Variants in UTS2B observed in about 807,000 individuals in gnomAD.
UTS2B encodes the protein urotensin-2B.
UTS2B carries 21 observed loss-of-function variants against 19.2 expected under a neutral mutation model. That is an observed-to-expected ratio of 1.09 (90% CI 0.78 to 1.58). The LOEUF is 1.58. Among genes scored for constraint, UTS2B ranks in the 40% most tolerant of loss-of-function variants. The pLI is 0.00. For synonymous variants in UTS2B, 57 were observed against 50.2 expected, an observed-to-expected ratio of 1.14 and a Z score of -0.58; for missense variants, 138 against 130.3, an observed-to-expected ratio of 1.06 and a Z score of -0.29.
chr3:191,308,070 G>A (rs563628531), intron 3 of UTS2B, among the ~76,000 whole-genome samples: 6 of 152,224 alleles, frequency 3.9e-5, no homozygotes, highest in African/African-American at 7.2e-5. Context: ...TCCTGACCTC[G>A]TGATCTGCCC....
chr3:191,292,450 T>C (rs1716745679), intron 4 of UTS2B, among the ~76,000 whole-genome samples: 1 of 152,218 alleles, frequency 6.6e-6, no homozygotes, highest in African/African-American at 2.4e-5. Flanking sequence ...TTTTGCATAT[T>C]GATCTTTGTA....
intron 2 of UTS2B, among the ~76,000 whole-genome samples, 188 bp from the exon 3 acceptor site, chr3:191,316,627 C>G (rs1576934212): frequency 6.6e-6 from 1 of 152,154 alleles, no homozygotes; most frequent in Non-Finnish European, 1.5e-5. Flanking sequence ...GACAGGGTAC[C>G]GATTCGTGTG....
intron 1 of UTS2B, among the ~76,000 whole-genome samples, chr3:191,329,955 G>T (rs75704230): frequency 5.3e-5 from 6 of 113,274 alleles, no homozygotes; most frequent in East Asian, 4.7e-4. Flanking sequence ...GGGGGGGGGG[G>T]GCTAGCAGCA....
rs1210104214 is a variant in UTS2B at position 191,278,124 on chromosome 3, T to TA, written c.149dup (p.Leu51IlefsTer7). On this transcript the variant is annotated frameshift_variant, in exon 6 of 9. Coordinates refer to ENST00000340524, the MANE Select transcript of UTS2B (RefSeq NM_198152.5). LOFTEE classifies it high-confidence loss of function. ...AATTTTTATTCAGTAGAGCCAGCAA[T>TA]AGTTCCTCACGATTTGTATATTTTT... The TA allele has an allele frequency of 1.3e-6, 2 of 1,569,144 alleles. No individual in the cohort carries two copies. Among genetic ancestry groups the TA allele is most frequent in the Admixed American group, 3.9e-5 (2 of 51,014 alleles).
At chr3:191,291,656 G>C (rs578205002) in intron 4 of UTS2B, among the ~76,000 whole-genome samples, 1 of 152,098 alleles carries the variant, frequency 6.6e-6, no homozygotes, top group African/African-American at 2.4e-5. Flanking sequence ...GTTTCACCAC[G>C]TTCACCAAGA....
upstream of UTS2B, among the ~76,000 whole-genome samples, chr3:191,332,392 A>T (rs1718020135): frequency 6.6e-6 from 1 of 152,200 alleles, no homozygotes; most frequent in African/African-American, 2.4e-5. Context: ...GTAGGTGAAA[A>T]GAATCAAGTC....
intron 4 of UTS2B, among the ~76,000 whole-genome samples, chr3:191,300,110 G>C (rs1161450211): frequency 1.3e-5 from 2 of 152,024 alleles, no homozygotes; most frequent in Non-Finnish European, 2.9e-5. Context: ...GAGTGCGGTG[G>C]TGCAATCTCG....
upstream of UTS2B, among the ~76,000 whole-genome samples, chr3:191,335,158 A>G (rs1468227575): frequency 5.3e-5 from 8 of 152,336 alleles, no homozygotes; most frequent in East Asian, 1.2e-3. Context: ...GTGACAAAAA[A>G]CATGTGAGTT....
chr3:191,317,259 C>CCTG (rs1717485842), intron 2 of UTS2B, among the ~76,000 whole-genome samples: 1 of 152,230 alleles, frequency 6.6e-6, no homozygotes, highest in Non-Finnish European at 1.5e-5. Context: ...CCCCTCACTG[C>CCTG]CTGGGGCCGG....
At chr3:191,278,287 A>T (rs1224807518) in intron 5 of UTS2B, 117 bp from the exon 6 acceptor site, 3 of 568,176 alleles carry the variant, frequency 5.3e-6, no homozygotes, top group East Asian at 6.4e-5. Flanking sequence ...ATGTAGAGAG[A>T]GTGTATAGTC....
chr3:191,290,844 T>G (rs909249415), intron 4 of UTS2B, among the ~76,000 whole-genome samples: 2 of 152,242 alleles, frequency 1.3e-5, no homozygotes, highest in African/African-American at 4.8e-5. Context: ...GATAAGTGTT[T>G]GTATGGTGAC....
chr3:191,342,178 C>G, the UTS2B span, among the ~76,000 whole-genome samples: 1 of 152,078 alleles, frequency 6.6e-6, no homozygotes, highest in African/African-American at 2.4e-5. Flanking sequence ...TTCCGTAATC[C>G]AAGATTTCCA....
At chr3:191,271,807 T>C (rs1185147062) in intron 8 of UTS2B, among the ~76,000 whole-genome samples, 1 of 152,238 alleles carries the variant, frequency 6.6e-6, no homozygotes. Flanking sequence ...TGACTGAAGA[T>C]ATAAGATTCA....
the UTS2B span, among the ~76,000 whole-genome samples, chr3:191,336,100 A>G: frequency 6.6e-6 from 1 of 151,488 alleles, no homozygotes; most frequent in Non-Finnish European, 1.5e-5. Context: ...GGTGGGTGAC[A>G]GTAAAGTCAC....
chr3:191,327,524 G>A (rs1451976422), intron 2 of UTS2B, among the ~76,000 whole-genome samples: 1 of 152,188 alleles, frequency 6.6e-6, no homozygotes, highest in African/African-American at 2.4e-5. Flanking sequence ...AGACCCATGA[G>A]AGCTGAGGCC....
chr3:191,273,246 C>A, intron 8 of UTS2B: 1 of 308,612 alleles, frequency 3.2e-6, no homozygotes. Flanking sequence ...GTGCTGCATG[C>A]AGTCACTAGA....
chr3:191,293,002 T>C (rs1311310579), intron 4 of UTS2B, among the ~76,000 whole-genome samples: 1 of 146,600 alleles, frequency 6.8e-6, no homozygotes, highest in Non-Finnish European at 1.5e-5. Context: ...GACCTCGTCT[T>C]AAAAAAAAAA....
upstream of UTS2B, among the ~76,000 whole-genome samples, chr3:191,332,867 C>CATCT (rs1167552847): frequency 3.3e-4 from 50 of 152,300 alleles, no homozygotes; most frequent in African/African-American, 1.1e-3. Context: ...CCTCTCTAAC[C>CATCT]AAGATGTTGA....
At chr3:191,289,327 T>C (rs1716644187) in intron 4 of UTS2B, among the ~76,000 whole-genome samples, 1 of 151,480 alleles carries the variant, frequency 6.6e-6, no homozygotes, top group African/African-American at 2.4e-5. Flanking sequence ...GAGAATGGCG[T>C]AAACCTGGGA....
Sources: gnomAD v4.1 joint callset for allele counts (sites outside exome capture counted in the v4.1 genomes callset) on GRCh38, gnomAD v4.1.1 for gene constraint, MANE v1.5 for transcripts, NCBI Gene and HGNC (gene_info 2026-07-23, HGNC 2026-07-21) for gene names.